The following SNRPA1 variants were observed in gnomAD, a reference collection of about 807,000 sequenced individuals.
SNRPA1 encodes the protein small nuclear ribonucleoprotein polypeptide A'.
A neutral mutation model predicts 32.3 loss-of-function variants in SNRPA1; 5 were observed. That is an observed-to-expected ratio of 0.15 (90% CI 0.08 to 0.33). The LOEUF is 0.33. Ranked by LOEUF, SNRPA1 falls within the 10% of genes least tolerant of loss-of-function variation. SNRPA1 has a pLI of 1.00. For missense variants in SNRPA1, 198 were observed against 311.1 expected (o/e 0.64, Z 2.74); for synonymous variants, 111 against 120.1 (o/e 0.92, Z 0.50).
intron 4 of SNRPA1, 57 bp downstream of exon 4, chr15:101,287,599 G>T: frequency 7.0e-7 from 1 of 1,436,238 alleles, no homozygotes; most frequent in Non-Finnish European, 9.8e-7. Context: ...GTCAAGGCTG[G>T]TAAAAGTAAT....
chr15:101,292,928 A>C (rs2039543565), intron 2 of SNRPA1, 97 bp downstream of exon 2: 5 of 659,928 alleles, frequency 7.6e-6, no homozygotes, highest in Non-Finnish European at 1.2e-5. Context: ...AAAAAGAAAC[A>C]TGTAGGTTTA....
At chr15:101,286,410 C>T in intron 5 of SNRPA1, 117 bp from the exon 6 acceptor site, 1 of 783,788 alleles carries the variant, frequency 1.3e-6, no homozygotes, top group South Asian at 2.0e-5. Context: ...GGTGAAAATA[C>T]CAAAAAGCAA....
At chr15:101,294,822 C>G (rs1044683448) in intron 1 of SNRPA1, 1 of 386,358 alleles carries the variant, frequency 2.6e-6, no homozygotes, top group African/African-American at 2.1e-5. Context: ...CCAAGCAAGG[C>G]CTAACAGGGC....
intron 8 of SNRPA1, among the ~76,000 whole-genome samples, 174 bp from the exon 9 acceptor site, chr15:101,281,956 T>G (rs1184649708): frequency 6.6e-6 from 1 of 152,242 alleles, no homozygotes; most frequent in African/African-American, 2.4e-5. Flanking sequence ...TAGTCTGTCT[T>G]TGGCAGGTAC....
chr15:101,295,007 AG>A (rs1205810581), intron 1 of SNRPA1, 89 bp downstream of exon 1: 3 of 839,416 alleles, frequency 3.6e-6, no homozygotes, highest in Non-Finnish European at 5.1e-6. Context: ...CCGCGGGCCA[AG>A]CTCCGGCCTT....
chr15:101,285,652 A>ATTATTATCCGAACTTTGTGTTTATTT, intron 7 of SNRPA1, 74 bp downstream of exon 7: 1 of 992,982 alleles, frequency 1.0e-6, no homozygotes, highest in Non-Finnish European at 1.6e-6. Flanking sequence ...TGTTCGGAAC[A>ATTATTATCCGAACTTTGTGTTTATTT]TGTTTATTAT....
chr15:101,286,186 A>G, intron 6 of SNRPA1, 28 bp downstream of exon 6: 1 of 1,573,370 alleles, frequency 6.4e-7, no homozygotes, highest in Non-Finnish European at 8.7e-7. Flanking sequence ...AAGGTGAAGT[A>G]GAGTTAAGTT....
At chr15:101,285,956 A>G (rs556887765) in intron 6 of SNRPA1, 155 bp from the exon 7 acceptor site, 31 of 645,034 alleles carry the variant, frequency 4.8e-5, no homozygotes, top group African/African-American at 4.0e-4. Context: ...AACACCATCC[A>G]GTTCATCTTC....
chr15:101,285,033 C>A lies in SNRPA1; in HGVS notation c.643G>T (p.Ala215Ser). The A allele has an allele frequency of 6.2e-7, 1 of 1,613,898 alleles. No homozygotes were observed. Among genetic ancestry groups the A allele is most frequent in the African/African-American group, 1.3e-5 (1 of 75,038 alleles). ...KNAIANASTL[A>S]EVERLKGLLQ... ...AACCCCTTCAGCCTCTCCACTTCAG[C>A]CAGAGTTGAAGCATTTGCTATGGCA... The change falls in exon 8 of 9, where the codon GCT becomes TCT. Residue 215 changes from alanine (A) to serine (S), a missense_variant. Around this residue, in one of 3 missense-constraint regions of SNRPA1, gnomAD observed 77 missense variants for 120.1 expected, o/e 0.64. Transcript: ENST00000254193.
chr15:101,283,802 C>T (rs988278181), intron 8 of SNRPA1, among the ~76,000 whole-genome samples: 18 of 151,434 alleles, frequency 1.2e-4, no homozygotes, highest in Admixed American at 6.6e-4. Context: ...TAGCCGGGCA[C>T]GGTAGCAGGT....
chr15:101,285,139 C>A, intron 7 of SNRPA1, 79 bp from the exon 8 acceptor site: 1 of 972,764 alleles, frequency 1.0e-6, no homozygotes, highest in South Asian at 1.3e-5. Context: ...GTGTCAATCA[C>A]CTACAGAAAT....
chr15:101,287,387 A>C (rs2039468388), intron 4 of SNRPA1, among the ~76,000 whole-genome samples: 1 of 150,702 alleles, frequency 6.6e-6, no homozygotes, highest in South Asian at 2.1e-4. Context: ...TCCTGTGTCC[A>C]AGTGTTCTCA....
In SNRPA1 at chr15:101,286,987, T is replaced by A; in HGVS notation, c.380A>T (p.Asn127Ile). 1 of 1,603,928 alleles carries A rather than the reference T, an allele frequency of 6.2e-7. No individual in the cohort carries two copies. The highest frequency in any genetic ancestry group is 2.2e-5 in the East Asian group (1 of 44,772). Residue 127 changes from asparagine (N) to isoleucine (I), a missense_variant, in exon 5 of 9, where the codon AAT becomes ATT. Asn to Ile is a moderately radical substitution (Grantham distance 149). Coordinates refer to ENST00000254193, the MANE Select transcript of SNRPA1 (RefSeq NM_003090.4). ...YLSILRNPVTNKKHYRLYVIY... is the reference protein window; with the variant it reads ...YLSILRNPVTIKKHYRLYVIY... ...CACATACAATCTGTAATGCTTCTTA[T>A]TGGTTACCGGATTTCTTAGGATACT...
intron 8 of SNRPA1, among the ~76,000 whole-genome samples, chr15:101,282,685 G>A (rs1216006654): frequency 6.6e-6 from 1 of 152,142 alleles, no homozygotes; most frequent in South Asian, 2.1e-4. Context: ...ACCGACTTTT[G>A]CAGATCTTCC....
At chr15:101,291,914 T>G (rs774393700) in intron 3 of SNRPA1, 48 bp downstream of exon 3, 5 of 1,194,228 alleles carry the variant, frequency 4.2e-6, no homozygotes, top group Non-Finnish European at 6.2e-6. Flanking sequence ...AAGCACATAG[T>G]ACCTTTAACC....
intron 8 of SNRPA1, among the ~76,000 whole-genome samples, chr15:101,284,351 C>G (rs1009343996): frequency 2.6e-5 from 4 of 152,188 alleles, no homozygotes; most frequent in Middle Eastern, 3.2e-3. Flanking sequence ...GTGTTCCTAA[C>G]TACTGAGGTA....
chr15:101,283,118 G>A (rs1348651650), intron 8 of SNRPA1, among the ~76,000 whole-genome samples: 1 of 152,228 alleles, frequency 6.6e-6, no homozygotes, highest in East Asian at 1.9e-4. Flanking sequence ...TGGGAGTGCA[G>A]AGCAGGGAAG....
intron 8 of SNRPA1, among the ~76,000 whole-genome samples, chr15:101,282,309 G>A (rs1391304619): frequency 6.6e-6 from 1 of 152,206 alleles, no homozygotes; most frequent in African/African-American, 2.4e-5. Context: ...AATTGTTTGG[G>A]AAACAATTGT....
At chr15:101,294,872 C>T (rs994972498) in intron 1 of SNRPA1, 1 of 427,744 alleles carries the variant, frequency 2.3e-6, no homozygotes, top group Non-Finnish European at 4.2e-6. Context: ...GTCACCCGTG[C>T]CTGTCAAGAG....
Sources: allele counts gnomAD v4.1 joint callset (sites outside exome capture counted in the v4.1 genomes callset), GRCh38; gene constraint gnomAD v4.1.1; regional missense constraint gnomAD v4.1.1; transcripts MANE v1.5; gene names NCBI Gene and HGNC (gene_info 2026-07-23, HGNC 2026-07-21).